Variants in PROK1 observed in about 807,000 individuals in gnomAD.
PROK1 encodes prokineticin 1, also known as prokineticin-1.
Under a neutral mutation model 8.8 loss-of-function variants are expected in PROK1, and 10 were observed. That is an observed-to-expected ratio of 1.13 (90% confidence interval 0.70 to 1.92). The LOEUF is 1.92. PROK1 is among the 30% of genes most tolerant of loss of function. The pLI is 0.00. For synonymous variants in PROK1, 57 were observed against 56.0 expected (o/e 1.02, Z -0.08); for missense variants, 140 against 139.7 (o/e 1.00, Z -0.01).
chr1:110,453,127 T>C (rs1159271111), intron 1 of PROK1, among the ~76,000 whole-genome samples: 1 of 152,156 alleles, frequency 6.6e-6, no homozygotes, highest in African/African-American at 2.4e-5. Context: ...AGAAGAGTGA[T>C]CCAAAACCCA....
chr1:110,451,205 C>A lies in PROK1; in HGVS notation c.-12C>A, dbSNP rs748725857. The A allele has an allele frequency of 4.3e-6, 7 of 1,613,992 alleles. No individual in the cohort carries two copies. Among genetic ancestry groups the A allele is most frequent in the East Asian group, 2.2e-5 (1 of 44,888 alleles). ...CTAAGCAGGCAGTGTTTTGCCTTCA[C>A]CCCAAGTGACCATGAGAGGTGCCAC... On this transcript the variant is annotated 5_prime_UTR_variant, in exon 1 of 3. Coordinates refer to ENST00000271331, the MANE Select transcript of PROK1 (RefSeq NM_032414.3).
intron 2 of PROK1, 74 bp from the exon 3 acceptor site, chr1:110,456,158 G>C (rs566679004): frequency 8.7e-5 from 136 of 1,558,934 alleles, no homozygotes; most frequent in Admixed American, 1.2e-4. Context: ...GCCAGTGCTG[G>C]GCTGAGCAGA....
In PROK1 at chr1:110,451,288, G is replaced by C. The variant is rs755728168; in HGVS notation, c.72G>C (p.Gly24=). Residue 24 remains glycine, a splice_region_variant and synonymous_variant, in exon 1 of 3, where the codon GGG becomes GGC. Coordinates refer to ENST00000271331, the MANE Select transcript of PROK1 (RefSeq NM_032414.3). ...VTVSDCAVIT[G]ACERDVQCGA... ...TGTCTGACTGTGCTGTGATCACAGGGGTAAGTCGCCTAACATTCTCTGTGC... is the reference window on the plus strand; with the variant it reads ...TGTCTGACTGTGCTGTGATCACAGGCGTAAGTCGCCTAACATTCTCTGTGC... 1.2e-6 allele frequency: 2 copies of C among 1,613,948 alleles called. No homozygotes were observed. Among genetic ancestry groups the C allele is most frequent in the South Asian group, 1.1e-5 (1 of 91,066 alleles).
chr1:110,454,026 G>T lies in PROK1; in HGVS notation c.138G>T (p.Gly46=). 1.9e-6 allele frequency: 3 copies of T among 1,614,154 alleles called. No homozygotes were observed. Among genetic ancestry groups the T allele is most frequent in the Non-Finnish European group, 2.5e-6 (3 of 1,180,014 alleles). ...GTGCCATCAGCCTGTGGCTTCGAGG[G>T]CTGCGGATGTGCACCCCGCTGGGGC... ...TCCAISLWLR[G]LRMCTPLGRE... The change falls in exon 2 of 3, where the codon GGG becomes GGT. Residue 46 remains glycine (G), a synonymous_variant. Coordinates refer to ENST00000271331, the MANE Select transcript of PROK1 (RefSeq NM_032414.3).
chr1:110,453,892 A>G, intron 1 of PROK1, 69 bp from the exon 2 acceptor site: 1 of 1,596,326 alleles, frequency 6.3e-7, no homozygotes, highest in Non-Finnish European at 8.6e-7. Context: ...GGCTTTTTGG[A>G]TCTACCCTTC....
At chr1:110,452,820 G>A (rs1453171527) in intron 1 of PROK1, among the ~76,000 whole-genome samples, 2 of 152,214 alleles carry the variant, frequency 1.3e-5, no homozygotes, top group East Asian at 3.8e-4. Context: ...CCACATCCAA[G>A]GCTTTATGAT....
chr1:110,453,033 C>T (rs1385169731), intron 1 of PROK1, among the ~76,000 whole-genome samples: 1 of 152,330 alleles, frequency 6.6e-6, no homozygotes, highest in Non-Finnish European at 1.5e-5. Context: ...CACTCTTTCC[C>T]TCTTGGGTCT....
chr1:110,455,094 C>A (rs1009344552), intron 2 of PROK1, among the ~76,000 whole-genome samples: 1 of 152,202 alleles, frequency 6.6e-6, no homozygotes, highest in African/African-American at 2.4e-5. Context: ...GTGAAGCTCC[C>A]AATTCCCACA....
Position 110,456,395 on chromosome 1 carries a change from A to T in PROK1, c.*44A>T. The stretch of plus-strand genomic sequence containing the variant: ...GATACCCACCATCCTTTTCCTGAGC[A>T]CAGCCTGGATTTTTATTTCTGCCAT... On this transcript the variant is annotated 3_prime_UTR_variant, in exon 3 of 3. Transcript: ENST00000271331. 6.2e-7 allele frequency: 1 copy of T among 1,611,398 alleles called. No individual in the cohort carries two copies. Among genetic ancestry groups the T allele is most frequent in the Non-Finnish European group, 8.5e-7 (1 of 1,179,608 alleles).
chr1:110,456,383 C>T lies in PROK1; in HGVS notation c.*32C>T, dbSNP rs1003759933. Reference sequence around the variant, plus strand: ...GCCTGGTCTCAGGATACCCACCATCCTTTTCCTGAGCACAGCCTGGATTTT... The same window carrying T: ...GCCTGGTCTCAGGATACCCACCATCTTTTTCCTGAGCACAGCCTGGATTTT... On this transcript the variant is annotated 3_prime_UTR_variant, in exon 3 of 3. Coordinates refer to ENST00000271331, the MANE Select transcript of PROK1 (RefSeq NM_032414.3). The T allele has an allele frequency of 1.9e-6, 3 of 1,612,850 alleles. No homozygotes were observed. The highest frequency in any genetic ancestry group is 1.7e-5 in the Admixed American group (1 of 60,030).
rs779040857 is a variant in PROK1, at chr1:110,456,250, C to T, written c.217C>T (p.Arg73Cys). ...GSHKVPFFRK[R>C]KHHTCPCLPN... ...TCCTTAGGTCCCCTTCTTCAGGAAA[C>T]GCAAGCACCACACCTGTCCTTGCTT... Residue 73 changes from arginine (R) to cysteine (C), a missense_variant, in exon 3 of 3, where the codon CGC (arginine) becomes TGC (cysteine). Physicochemically the swap from Arg to Cys is radical, Grantham distance 180. Coordinates refer to ENST00000271331, the MANE Select transcript of PROK1 (RefSeq NM_032414.3). 55 of 1,613,374 alleles carry T rather than the reference C, an allele frequency of 3.4e-5. No homozygotes were observed. Among genetic ancestry groups the T allele is most frequent in the South Asian group, 2.7e-4 (25 of 91,076 alleles).
rs148766737 is a variant in PROK1, at chr1:110,456,395, A to G, written c.*44A>G. On this transcript the variant is annotated 3_prime_UTR_variant, in exon 3 of 3. Coordinates refer to ENST00000271331, the MANE Select transcript of PROK1 (RefSeq NM_032414.3). ...GATACCCACCATCCTTTTCCTGAGC[A>G]CAGCCTGGATTTTTATTTCTGCCAT... is the stretch of plus-strand genomic sequence containing the variant. 11,869 of 1,611,364 alleles carry G rather than the reference A, an allele frequency of 7.4e-3. 112 individuals carry two copies. Among genetic ancestry groups the G allele is most frequent in the African/African-American group, 0.03 (2,282 of 75,012 alleles).
chr1:110,451,242 T>C lies in PROK1; in HGVS notation c.26T>C (p.Ile9Thr), dbSNP rs1240865409. Residue 9 changes from isoleucine (I) to threonine (T), a missense_variant, in exon 1 of 3, where the codon ATC (isoleucine) becomes ACC (threonine). By Grantham distance (89) the Ile-to-Thr change is moderately conservative. Coordinates refer to ENST00000271331, the MANE Select transcript of PROK1 (RefSeq NM_032414.3). MRGATRVS[I>T]MLLLVTVSDC... ...ATGAGAGGTGCCACGCGAGTCTCAATCATGCTCCTCCTAGTAACTGTGTCT... is the reference window on the plus strand; with the variant it reads ...ATGAGAGGTGCCACGCGAGTCTCAACCATGCTCCTCCTAGTAACTGTGTCT... 6.2e-7 allele frequency: 1 copy of C among 1,614,186 alleles called. No homozygotes were observed. The highest frequency in any genetic ancestry group is 1.3e-5 in the African/African-American group (1 of 75,050).
chr1:110,456,173 G>A, intron 2 of PROK1, 59 bp from the exon 3 acceptor site: 4 of 1,594,272 alleles, frequency 2.5e-6, no homozygotes, highest in Non-Finnish European at 1.7e-6. Context: ...AGCAGAGACT[G>A]CTGCCAGGAG....
In PROK1 at chr1:110,456,444, C is replaced by T. The variant is rs558664911; in HGVS notation, c.*93C>T. On this transcript the variant is annotated 3_prime_UTR_variant, in exon 3 of 3. Coordinates refer to ENST00000271331, the MANE Select transcript of PROK1 (RefSeq NM_032414.3). ...ATGAAACCCAGCTCCCATGACTCTC[C>T]CAGTCCCTACACTGACTACCCTGAT... is the stretch of plus-strand genomic sequence containing the variant. 25 of 1,489,706 alleles carry T rather than the reference C, an allele frequency of 1.7e-5. No homozygotes were observed. The highest frequency in any genetic ancestry group is 3.4e-5 in the South Asian group (3 of 87,732). The allele number at this position is 1,489,706 out of a possible 1,614,324, so 92.3% of individuals were successfully genotyped here. A position where few individuals can be genotyped will look rare whatever the true frequency, so the allele number is the denominator to read the frequency against.
Position 110,451,241 on chromosome 1 carries a change from A to G in PROK1, c.25A>G (p.Ile9Val), listed in dbSNP as rs1317319473. The G allele has an allele frequency of 3.7e-6, 6 of 1,614,192 alleles. No homozygotes were observed. The highest frequency in any genetic ancestry group is 1.1e-5 in the South Asian group (1 of 91,082). The part of the protein sequence containing the change: MRGATRVS[I>V]MLLLVTVSDC... ...CATGAGAGGTGCCACGCGAGTCTCAATCATGCTCCTCCTAGTAACTGTGTC... is the reference window on the plus strand; with the variant it reads ...CATGAGAGGTGCCACGCGAGTCTCAGTCATGCTCCTCCTAGTAACTGTGTC... The change falls in exon 1 of 3, where the codon ATC becomes GTC. Residue 9 changes from isoleucine (I) to valine (V), a missense_variant. By Grantham distance (29) the Ile-to-Val change is conservative. Transcript: ENST00000271331.
chr1:110,452,039 A>G (rs1242532222), intron 1 of PROK1, among the ~76,000 whole-genome samples: 1 of 152,246 alleles, frequency 6.6e-6, no homozygotes, highest in Non-Finnish European at 1.5e-5. Flanking sequence ...GGGGCACATG[A>G]TGTGTTATGG....
rs989698680 is a variant in PROK1 at position 110,456,513 on chromosome 1, T to C, written c.*162T>C. 9.0e-6 allele frequency: 8 copies of C among 886,234 alleles called. No homozygotes were observed. Among genetic ancestry groups the C allele is most frequent in the African/African-American group, 6.6e-5 (4 of 60,684 alleles). The allele number at this position is 886,234 out of a possible 1,614,324, so 54.9% of individuals were successfully genotyped here. ...ACATATGCACACAGGCAGACATACC[T>C]CCCATCATGACATGGTCCCCAGGCT... is the stretch of plus-strand genomic sequence containing the variant. On this transcript the variant is annotated 3_prime_UTR_variant, in exon 3 of 3. Coordinates refer to ENST00000271331, the MANE Select transcript of PROK1 (RefSeq NM_032414.3).
At chr1:110,452,607 A>T (rs999128586) in intron 1 of PROK1, among the ~76,000 whole-genome samples, 13 of 152,194 alleles carry the variant, frequency 8.5e-5, no homozygotes, top group Admixed American at 5.9e-4. Context: ...CACGGTGAAA[A>T]GCACAATAGA....
Sources: allele counts gnomAD v4.1 joint callset (sites outside exome capture counted in the v4.1 genomes callset), GRCh38; gene constraint gnomAD v4.1.1; transcripts MANE v1.5; gene names NCBI Gene and HGNC (gene_info 2026-07-23, HGNC 2026-07-21).